ST7: variants seen among roughly 807,000 people sequenced by gnomAD.
ST7 encodes suppression of tumorigenicity 7, also known as suppressor of tumorigenicity 7 protein.
A neutral mutation model predicts 78.7 loss-of-function variants in ST7; 28 were observed. That is an observed-to-expected ratio of 0.36 (90% CI 0.26 to 0.49). The LOEUF is 0.49. Among genes scored for constraint, ST7 ranks in the 20% least tolerant of loss-of-function variants. ST7 has a pLI of 0.99. For missense variants in ST7, 418 were observed against 696.0 expected (o/e 0.60, Z 4.49); for synonymous variants, 247 against 249.6 (o/e 0.99, Z 0.10).
intron 2 of ST7, among the ~76,000 whole-genome samples, chr7:117,105,368 A>G (rs2116842120): frequency 6.6e-6 from 1 of 152,264 alleles, no homozygotes; most frequent in East Asian, 1.9e-4. Context: ...TGTAACCTTG[A>G]CCTCCTGGGC....
chr7:116,992,226 T>C (rs188595856), intron 1 of ST7, among the ~76,000 whole-genome samples: 173 of 152,344 alleles, frequency 1.1e-3, no homozygotes, highest in South Asian at 2.7e-3. Context: ...GTAGGGACTC[T>C]ATGTGAGGGC....
intron 1 of ST7, among the ~76,000 whole-genome samples, chr7:117,035,266 T>C (rs1272771567): frequency 1.3e-5 from 2 of 152,090 alleles, no homozygotes; most frequent in African/African-American, 4.8e-5. Context: ...GCCTCTCTTG[T>C]TGAGGAAGTG....
chr7:117,117,356 C>G (rs1802970239), intron 2 of ST7, among the ~76,000 whole-genome samples: 1 of 152,108 alleles, frequency 6.6e-6, no homozygotes, highest in Non-Finnish European at 1.5e-5. Flanking sequence ...GGGGCTAAGT[C>G]TGTAATCCTG....
At chr7:117,076,083 T>G (rs962829402) in intron 1 of ST7, among the ~76,000 whole-genome samples, 1 of 152,174 alleles carries the variant, frequency 6.6e-6, no homozygotes, top group Non-Finnish European at 1.5e-5. Flanking sequence ...GTTTAATCAG[T>G]CAGGGAGATG....
At chr7:117,131,698 A>G (rs1039850266) in intron 5 of ST7, among the ~76,000 whole-genome samples, 187 bp from the exon 6 acceptor site, 1 of 151,932 alleles carries the variant, frequency 6.6e-6, no homozygotes, top group Non-Finnish European at 1.5e-5. Flanking sequence ...TGCTATCAGC[A>G]GTTGAAATAC....
At chr7:117,055,896 C>T in intron 1 of ST7, among the ~76,000 whole-genome samples, 1 of 152,146 alleles carries the variant, frequency 6.6e-6, no homozygotes, top group East Asian at 1.9e-4. Flanking sequence ...ATCACAAGGT[C>T]CCACAGTAGG....
intron 1 of ST7, among the ~76,000 whole-genome samples, chr7:117,064,054 AT>A (rs1426064702): frequency 5.3e-5 from 8 of 152,216 alleles, no homozygotes; most frequent in African/African-American, 1.7e-4. Context: ...ACAATATAGC[AT>A]TTATTTAAAG....
intron 1 of ST7, among the ~76,000 whole-genome samples, chr7:117,063,511 C>T (rs13222912): frequency 0.13 from 19,472 of 152,070 alleles, 1,607 homozygotes; most frequent in South Asian, 0.23. Context: ...GAGTTCAAGA[C>T]GAGCCTGGGC....
intron 9 of ST7, among the ~76,000 whole-genome samples, chr7:117,147,337 C>T (rs1464359353): frequency 6.6e-6 from 1 of 152,108 alleles, no homozygotes; most frequent in Non-Finnish European, 1.5e-5. Flanking sequence ...GGATTATATA[C>T]GTGCTAGATT....
rs1393854474 is a variant in ST7, at chr7:117,219,584, A to C, written c.1498+408A>C. Among the ~76,000 whole-genome samples the C allele has an allele frequency of 6.6e-6, 1 of 152,180 alleles. No homozygotes were observed. The highest frequency in any genetic ancestry group is 1.5e-5 in the Non-Finnish European group (1 of 68,034). On this transcript the variant is annotated intron_variant, in intron 14 of 15. Coordinates refer to ENST00000323984, the MANE Select transcript of ST7 (RefSeq NM_001369598.1). This position sits in a 1 kb window ranked among gnomAD's most constrained non-coding sequence, Gnocchi z 5.1. ...GCTGACTGAGAGGGAGCTGCGCATGAGTCATGGGTGGGAGGCCAGCACCAG... is the reference window on the plus strand; with the variant it reads ...GCTGACTGAGAGGGAGCTGCGCATGCGTCATGGGTGGGAGGCCAGCACCAG...
At chr7:117,086,670 AT>A (rs888367613) in intron 1 of ST7, among the ~76,000 whole-genome samples, 19 of 150,526 alleles carry the variant, frequency 1.3e-4, no homozygotes, top group African/African-American at 2.9e-4. Context: ...CTTTTAATAG[AT>A]TTTTTTTTTA....
intron 15 of ST7, among the ~76,000 whole-genome samples, chr7:117,226,193 G>A (rs992669985): frequency 2.0e-5 from 3 of 152,188 alleles, no homozygotes; most frequent in Non-Finnish European, 2.9e-5. Flanking sequence ...AAGCAGAGGC[G>A]TTTTGAATGT....
chr7:116,967,185 C>T (rs1307099340), intron 1 of ST7: 6 of 306,604 alleles, frequency 2.0e-5, no homozygotes, highest in East Asian at 9.1e-5. Context: ...AAGCAATGTT[C>T]TCCTAGATGT....
At chr7:116,995,464 G>A (rs1794611501) in intron 1 of ST7, among the ~76,000 whole-genome samples, 2 of 152,176 alleles carry the variant, frequency 1.3e-5, no homozygotes, top group South Asian at 4.1e-4. Flanking sequence ...TTCATGGTGA[G>A]GTGATATGAT....
At chr7:117,021,138 AT>A (rs888710136) in intron 1 of ST7, among the ~76,000 whole-genome samples, 185 of 148,956 alleles carry the variant, frequency 1.2e-3, no homozygotes, top group African/African-American at 3.3e-3. Flanking sequence ...TTGAGGATGG[AT>A]TTTTTTTTTT....
chr7:117,093,364 A>C (rs1800775837), intron 1 of ST7, among the ~76,000 whole-genome samples: 1 of 152,184 alleles, frequency 6.6e-6, no homozygotes, highest in Admixed American at 6.5e-5. Context: ...ACATTTACAC[A>C]TTCAGCTCAG....
chr7:116,954,157 C>G (rs923165722), intron 1 of ST7: 2 of 151,654 alleles, frequency 1.3e-5, no homozygotes, highest in African/African-American at 4.8e-5. Flanking sequence ...CCCTCCCGCC[C>G]GGCCGCGGAG....
chr7:117,140,194 C>CT (rs1260826709), intron 9 of ST7, among the ~76,000 whole-genome samples: 48 of 152,058 alleles, frequency 3.2e-4, no homozygotes, highest in Non-Finnish European at 3.7e-4. Flanking sequence ...TTATGATTTG[C>CT]TTTTTGTTTA....
rs1279046981 is a variant in ST7 at position 117,220,678 on chromosome 7, TTTGG to T, written c.1499-1240_1499-1237del. 7.2e-5 allele frequency among the ~76,000 whole-genome samples: 11 copies of T among 152,160 alleles called. No individual in the cohort carries two copies. The East Asian group carries it at 2.1e-3, about 29-fold the overall frequency. ...AGTCTGGTCTCCCTCCAAAATCTTT[TTTGG>T]TTGGATGTTAAGGGTGAGGATATGA... On this transcript the variant is annotated intron_variant, in intron 14 of 15. Coordinates refer to ENST00000323984, the MANE Select transcript of ST7 (RefSeq NM_001369598.1).
Sources: allele counts gnomAD v4.1 joint callset (sites outside exome capture counted in the v4.1 genomes callset), GRCh38; gene constraint gnomAD v4.1.1; non-coding constraint Gnocchi (gnomAD v3.1); transcripts MANE v1.5; gene names NCBI Gene and HGNC (gene_info 2026-07-23, HGNC 2026-07-21).